The following CUL3 variants were observed in gnomAD, a reference collection of about 807,000 sequenced individuals.
CUL3 encodes cullin 3.
CUL3 carries 19 observed loss-of-function variants against 89.1 expected under a neutral mutation model. The observed-to-expected ratio is 0.21, with a 90% confidence interval of 0.15 to 0.31. CUL3 has a LOEUF of 0.31. CUL3 is among the 10% of genes least tolerant of loss of function. The pLI is 1.00. For missense variants in CUL3, 469 were observed against 942.3 expected (o/e 0.50, Z 6.58); for synonymous variants, 351 against 308.4 (o/e 1.14, Z -1.45).
At chr2:224,563,639 T>G (rs1388979024) in intron 1 of CUL3, among the ~76,000 whole-genome samples, 3 of 152,356 alleles carry the variant, frequency 2.0e-5, no homozygotes, top group Non-Finnish European at 4.4e-5. Context: ...TCATAAACTT[T>G]AAATTGCATG....
Position 224,500,476 on chromosome 2 carries a change from A to G in CUL3, c.1497T>C (p.Gly499=), listed in dbSNP as rs750629027. 4 of 1,613,716 alleles carry G rather than the reference A, an allele frequency of 2.5e-6. No homozygotes were observed. The highest frequency in any genetic ancestry group is 3.4e-6 in the Non-Finnish European group (4 of 1,179,870). ...QHLQATGVSL[G]GVDLTVRVLT... ...GCACCCGGACTGTAAGATCAACACC[A>G]CCTAAAGATACCTATGTAAAACAGA... Residue 499 remains glycine (G), a synonymous_variant, in exon 11 of 16, where the codon GGT becomes GGC. Coordinates refer to ENST00000264414, the MANE Select transcript of CUL3 (RefSeq NM_003590.5).
chr2:224,534,465 C>T (rs192461061), intron 3 of CUL3, among the ~76,000 whole-genome samples: 1 of 152,288 alleles, frequency 6.6e-6, no homozygotes, highest in East Asian at 1.9e-4. Flanking sequence ...ATTAATATGA[C>T]ATCCTCTCTC....
chr2:224,579,440 G>A (rs1695384760), intron 1 of CUL3, among the ~76,000 whole-genome samples: 1 of 151,158 alleles, frequency 6.6e-6, no homozygotes. Context: ...GAAGATGAAA[G>A]CTGTTCCCTC....
chr2:224,529,294 T>C (rs1320554469), intron 3 of CUL3, among the ~76,000 whole-genome samples: 7 of 152,146 alleles, frequency 4.6e-5, no homozygotes, highest in Non-Finnish European at 7.4e-5. Context: ...AACTATCTTA[T>C]AAGCTAAACA....
At chr2:224,541,076 C>A (rs1694084926) in intron 2 of CUL3, among the ~76,000 whole-genome samples, 1 of 150,976 alleles carries the variant, frequency 6.6e-6, no homozygotes, top group Non-Finnish European at 1.5e-5. Context: ...CAAATGATAC[C>A]AAAAGCATAA....
intron 15 of CUL3, 97 bp downstream of exon 15, chr2:224,478,103 T>C: frequency 7.8e-7 from 1 of 1,283,560 alleles, no homozygotes; most frequent in South Asian, 1.8e-5. Context: ...TAGGATTTCT[T>C]AATTGTAAAA....
chr2:224,479,423 T>C (rs946019751), intron 14 of CUL3: 2 of 151,608 alleles, frequency 1.3e-5, no homozygotes, highest in Non-Finnish European at 2.9e-5. Flanking sequence ...TCCTCAGAAG[T>C]TGATGTCATG....
chr2:224,541,359 T>C (rs564851677), intron 2 of CUL3, among the ~76,000 whole-genome samples: 16 of 152,286 alleles, frequency 1.1e-4, no homozygotes, highest in African/African-American at 3.8e-4. Flanking sequence ...ATGTAAGTCA[T>C]TAGGGAAAAG....
intron 2 of CUL3, among the ~76,000 whole-genome samples, chr2:224,548,277 T>G (rs909969696): frequency 1.2e-4 from 18 of 152,184 alleles, no homozygotes; most frequent in Non-Finnish European, 1.5e-5. Context: ...GTACAAATGC[T>G]CACACCAGAG....
intron 15 of CUL3, among the ~76,000 whole-genome samples, chr2:224,475,696 C>A (rs1691293525): frequency 6.6e-6 from 1 of 152,140 alleles, no homozygotes; most frequent in Non-Finnish European, 1.5e-5. Flanking sequence ...AGCCTATTAA[C>A]AGCTCCTATC....
chr2:224,487,612 A>G (rs181047590), intron 13 of CUL3, among the ~76,000 whole-genome samples: 1 of 152,264 alleles, frequency 6.6e-6, no homozygotes, highest in Non-Finnish European at 1.5e-5. Flanking sequence ...AAGCAAATTC[A>G]TAAAGTCTCT....
intron 2 of CUL3, among the ~76,000 whole-genome samples, chr2:224,552,791 G>C (rs992041111): frequency 2.0e-5 from 3 of 152,082 alleles, no homozygotes; most frequent in Non-Finnish European, 2.9e-5. Context: ...ATAAATATAT[G>C]GTTCGTCAGG....
intron 1 of CUL3, among the ~76,000 whole-genome samples, chr2:224,579,866 C>T (rs1317927676): frequency 6.6e-6 from 1 of 152,216 alleles, no homozygotes; most frequent in Non-Finnish European, 1.5e-5. Context: ...CAGGAAAGGA[C>T]AGCATTTTCA....
At chr2:224,572,997 T>C (rs913042445) in intron 1 of CUL3, among the ~76,000 whole-genome samples, 1 of 152,220 alleles carries the variant, frequency 6.6e-6, no homozygotes, top group Admixed American at 6.5e-5. Context: ...AGAGTCACTT[T>C]TAGCCCTCAA....
chr2:224,480,490 T>C (rs893211630), intron 14 of CUL3, among the ~76,000 whole-genome samples: 2 of 152,208 alleles, frequency 1.3e-5, no homozygotes, highest in Non-Finnish European at 2.9e-5. Context: ...TATATTTCTG[T>C]TTTGAACATA....
At position 224,474,157 on chromosome 2, in the gene CUL3, G is replaced by A. The variant is rs182225110; in HGVS notation, c.*88C>T. 3.0e-6 allele frequency: 4 copies of A among 1,328,238 alleles called. No individual in the cohort carries two copies. In the East Asian group the frequency reaches 7.0e-5, roughly 23 times the overall value. 82.3% of individuals were successfully genotyped at this position (1,328,238 alleles called of 1,614,324 possible). A position where few individuals can be genotyped will look rare whatever the true frequency, so the allele number is the denominator to read the frequency against. On this transcript the variant is annotated 3_prime_UTR_variant, in exon 16 of 16. Transcript: ENST00000264414. ...TGTACTGTAATTTAATAGAAGAGAT[G>A]GTCGTCTTAATATTTAATGATTTAA...
intron 14 of CUL3, among the ~76,000 whole-genome samples, chr2:224,480,558 G>T (rs1347486835): frequency 2.0e-5 from 3 of 152,064 alleles, no homozygotes; most frequent in Admixed American, 2.0e-4. Context: ...CACTTAACAC[G>T]AAAATCTAAA....
intron 1 of CUL3, among the ~76,000 whole-genome samples, chr2:224,568,808 A>G (rs949508771): frequency 2.6e-5 from 4 of 152,228 alleles, no homozygotes; most frequent in South Asian, 2.1e-4. Context: ...CAAAAACTAC[A>G]TATCAAATGA....
At chr2:224,523,484 T>G (rs973502697) in intron 3 of CUL3, among the ~76,000 whole-genome samples, 1 of 151,522 alleles carries the variant, frequency 6.6e-6, no homozygotes, top group Non-Finnish European at 1.5e-5. Context: ...TAAGATAGTA[T>G]AGCTGCTGTG....
Sources: allele counts gnomAD v4.1 joint callset (sites outside exome capture counted in the v4.1 genomes callset), GRCh38; gene constraint gnomAD v4.1.1; transcripts MANE v1.5; gene names NCBI Gene and HGNC (gene_info 2026-07-23, HGNC 2026-07-21).